USP24: variants seen among roughly 807,000 people sequenced by gnomAD.
The protein encoded by USP24 is ubiquitin carboxyl-terminal hydrolase 24.
A neutral mutation model predicts 361.6 loss-of-function variants in USP24; 97 were observed. That is an observed-to-expected ratio of 0.27 (90% confidence interval 0.23 to 0.32). The LOEUF (loss-of-function observed/expected upper bound fraction) is 0.32. USP24 is among the 10% of genes least tolerant of loss of function. The probability of loss-of-function intolerance (pLI) is 1.00; values close to 1 mark genes in which losing one functional copy is unlikely to be tolerated. For missense variants in USP24, 2,353 were observed against 3,165.6 expected, an observed-to-expected ratio of 0.74 and a Z score of 6.16; for synonymous variants, 1,098 against 1,124.6, an observed-to-expected ratio of 0.98 and a Z score of 0.47.
intron 1 of USP24, among the ~76,000 whole-genome samples, chr1:55,211,806 A>C (rs1407859754): frequency 6.7e-6 from 1 of 150,004 alleles, no homozygotes; most frequent in Non-Finnish European, 1.5e-5. Flanking sequence ...TTCTTTTCTA[A>C]TCAATTAGAT....
chr1:55,162,204 C>T lies in USP24; in HGVS notation c.988G>A (p.Val330Ile). 6.3e-7 allele frequency: 1 copy of T among 1,593,748 alleles called. No homozygotes were observed. The highest frequency in any genetic ancestry group is 8.5e-7 in the Non-Finnish European group (1 of 1,171,556). The part of the protein sequence containing the change: ...VCAEYLNSSV[V>I]QPMLDPVILT... ...GTGAAATGGTTTAATCCTACCTGTA[C>T]CACGGAGGAATTGAGGTACTCTGCA... The change falls in exon 8 of 68, where the codon GTA (valine) becomes ATA (isoleucine). Residue 330 changes from valine (V) to isoleucine (I), a missense_variant. Val to Ile is a conservative substitution (Grantham distance 29). Around this residue, in one of 8 missense-constraint regions of USP24, gnomAD observed 386 missense variants for 560.5 expected, o/e 0.69. Coordinates refer to ENST00000294383, the MANE Select transcript of USP24 (RefSeq NM_015306.3).
intron 32 of USP24, among the ~76,000 whole-genome samples, chr1:55,126,401 GCTTC>G (rs1287148400): frequency 1.3e-5 from 2 of 151,864 alleles, no homozygotes; most frequent in South Asian, 2.1e-4. Context: ...CCGAATCCCT[GCTTC>G]CTTCTTTATT....
chr1:55,172,241 T>C (rs1649527831), intron 4 of USP24, 136 bp downstream of exon 4: 1 of 905,044 alleles, frequency 1.1e-6, no homozygotes, highest in Non-Finnish European at 1.5e-6. Flanking sequence ...GCTTTTAAAA[T>C]AAAGACAAAG....
Position 55,100,832 on chromosome 1 carries a change from G to GAAAT in USP24, c.5271+3_5271+6dup. 1.2e-6 allele frequency: 2 copies of GAAAT among 1,604,028 alleles called. No individual in the cohort carries two copies. Among genetic ancestry groups the GAAAT allele is most frequent in the Non-Finnish European group, 1.7e-6 (2 of 1,176,462 alleles). ...CTTTAAATCTCAAGAGTTACTGGGT[G>GAAAT]AAATACCTTCCAAAAATTCTCAGGT... On this transcript the variant is annotated splice_region_variant and intron_variant, in intron 44 of 67. Transcript: ENST00000294383.
At chr1:55,147,340 A>G (rs576666714) in intron 18 of USP24, among the ~76,000 whole-genome samples, 2 of 152,288 alleles carry the variant, frequency 1.3e-5, no homozygotes, top group South Asian at 4.1e-4. Context: ...ACAACTGGTG[A>G]GTTAAGATTT....
intron 44 of USP24, 86 bp downstream of exon 44, chr1:55,100,753 T>C (rs1645613407): frequency 2.2e-6 from 3 of 1,370,114 alleles, no homozygotes; most frequent in Non-Finnish European, 9.5e-7. Flanking sequence ...CTAAAGTTAA[T>C]AAAAACAAAA....
In USP24 at chr1:55,124,084, A is replaced by G. The variant is rs371343492; in HGVS notation, c.4120+385T>C. ...CCAAATAAAGCTGGGAAATAAAGCT[A>G]TATTTTAAAGAGGCCTAATGAAAAA... is the stretch of plus-strand genomic sequence containing the variant. On this transcript the variant is annotated intron_variant, in intron 35 of 67. Transcript: ENST00000294383. 3.7e-3 allele frequency among the ~76,000 whole-genome samples: 562 copies of G among 152,344 alleles called. 3 individuals are homozygous for G. Among genetic ancestry groups the G allele is most frequent in the African/African-American group, 0.013 (535 of 41,580 alleles).
At chr1:55,122,899 C>G (rs573422453) in intron 36 of USP24, among the ~76,000 whole-genome samples, 1 of 152,086 alleles carries the variant, frequency 6.6e-6, no homozygotes, top group African/African-American at 2.4e-5. Context: ...GCCATAGACC[C>G]AAATTTAGGT....
intron 1 of USP24, among the ~76,000 whole-genome samples, chr1:55,203,900 A>G (rs575725010): frequency 6.6e-6 from 1 of 152,372 alleles, no homozygotes; most frequent in East Asian, 1.9e-4. Flanking sequence ...TCAAAATTAA[A>G]TACATTACAT....
chr1:55,109,133 C>G (rs1645876137), intron 39 of USP24, among the ~76,000 whole-genome samples: 1 of 152,214 alleles, frequency 6.6e-6, no homozygotes, highest in Non-Finnish European at 1.5e-5. Flanking sequence ...GGATTACAGG[C>G]ACGTGCCACC....
chr1:55,135,760 TA>T (rs1646716278), intron 28 of USP24, among the ~76,000 whole-genome samples: 1 of 151,888 alleles, frequency 6.6e-6, no homozygotes, highest in Admixed American at 6.5e-5. Context: ...GAAATATATA[TA>T]ATAACCATAG....
intron 3 of USP24, among the ~76,000 whole-genome samples, chr1:55,175,870 G>C (rs573928370): frequency 1.3e-5 from 2 of 152,280 alleles, no homozygotes; most frequent in African/African-American, 4.8e-5. Flanking sequence ...ATGGAAGTAG[G>C]CATATCACTC....
intron 30 of USP24, 111 bp downstream of exon 30, chr1:55,133,959 A>G (rs893480406): frequency 1.9e-6 from 2 of 1,053,522 alleles, no homozygotes; most frequent in African/African-American, 1.6e-5. Context: ...AAAAGAAGAA[A>G]AAACATTATG....
intron 1 of USP24, among the ~76,000 whole-genome samples, chr1:55,184,600 A>ACC (rs1644074650): frequency 6.6e-6 from 1 of 152,218 alleles, no homozygotes; most frequent in Non-Finnish European, 1.5e-5. Flanking sequence ...ACACATTTAC[A>ACC]GAACTCTCCA....
rs1569727226 is a variant in USP24, at chr1:55,193,703, C to T, written c.325-15571G>A. Among the ~76,000 whole-genome samples the T allele has an allele frequency of 2.0e-5, 3 of 152,238 alleles. No homozygotes were observed. In the East Asian group the frequency reaches 5.8e-4, roughly 29 times the overall value. ...ACGTCTACTGAGCACCTAGCTGCTA[C>T]ATGTCAGGAACAGCACTAGTAACTA... On this transcript the variant is annotated intron_variant, in intron 1 of 67. Coordinates refer to ENST00000294383, the MANE Select transcript of USP24 (RefSeq NM_015306.3).
intron 44 of USP24, 115 bp from the exon 45 acceptor site, chr1:55,099,984 T>A (rs1311413745): frequency 1.4e-6 from 1 of 709,334 alleles, no homozygotes; most frequent in Admixed American, 2.8e-5. Flanking sequence ...ACTATTAGGA[T>A]GTGGACATTT....
chr1:55,093,764 T>A, intron 52 of USP24, 173 bp downstream of exon 52: 2 of 852,138 alleles, frequency 2.3e-6, no homozygotes, highest in Non-Finnish European at 3.5e-6. Context: ...ACTCCATGGC[T>A]CTAGCTCTAT....
At chr1:55,121,149 G>A (rs1019219325) in intron 37 of USP24, among the ~76,000 whole-genome samples, 2 of 152,202 alleles carry the variant, frequency 1.3e-5, no homozygotes, top group Non-Finnish European at 2.9e-5. Flanking sequence ...AGTGCCAGCT[G>A]CCCTTGTGAG....
chr1:55,178,676 AAAATAAATAAATAAATAAAT>A lies in USP24; in HGVS notation c.325-564_325-545del, dbSNP rs71580807. On this transcript the variant is annotated intron_variant, in intron 1 of 67. Transcript: ENST00000294383. ...GGGCAACAGAGTGAGACTCCGTCTC[AAAATAAATAAATAAATAAAT>A]AAATAAATAAATAAATAAATAAATA... Among the ~76,000 whole-genome samples, 131 of 127,048 alleles carry A rather than the reference AAAATAAATAAATAAATAAAT, an allele frequency of 1.0e-3. 1 individual carries two copies. Among genetic ancestry groups the A allele is most frequent in the East Asian group, 8.0e-3 (35 of 4,378 alleles). The allele number at this position is 127,048 out of a possible 152,430, so 83.3% of individuals were successfully genotyped here.
Sources: allele counts gnomAD v4.1 joint callset (sites outside exome capture counted in the v4.1 genomes callset), GRCh38; gene constraint gnomAD v4.1.1; regional missense constraint gnomAD v4.1.1; transcripts MANE v1.5; gene names NCBI Gene and HGNC (gene_info 2026-07-23, HGNC 2026-07-21).